The following GAPDHS variants were observed in gnomAD, a reference collection of about 807,000 sequenced individuals.
GAPDHS encodes the protein glyceraldehyde-3-phosphate dehydrogenase, spermatogenic, also known as glyceraldehyde-3-phosphate dehydrogenase, testis-specific.
GAPDHS carries 42 observed loss-of-function variants against 48.7 expected under a neutral mutation model. The ratio of observed to expected loss-of-function variants is 0.86; its 90% confidence interval spans 0.67 to 1.12. GAPDHS has a LOEUF of 1.12. GAPDHS is among the 50% of genes most tolerant of loss of function. The pLI, the probability that GAPDHS is intolerant of heterozygous loss-of-function variation, is 0.00. For missense variants in GAPDHS, 512 were observed against 557.7 expected (o/e 0.92, Z 0.82); for synonymous variants, 166 against 219.1 (o/e 0.76, Z 2.14).
intron 9 of GAPDHS, 71 bp from the exon 10 acceptor site, chr19:35,544,838 G>T: frequency 1.2e-6 from 1 of 854,064 alleles, no homozygotes; most frequent in South Asian, 1.3e-5. Context: ...ATAGAGTTAA[G>T]AGTCGGGGCC....
At chr19:35,542,876 AG>A in intron 6 of GAPDHS, 68 bp from the exon 7 acceptor site, 1 of 1,127,742 alleles carries the variant, frequency 8.9e-7, no homozygotes, top group Non-Finnish European at 1.4e-6. Context: ...ATACCCCAAG[AG>A]GGGTAAGGGT....
chr19:35,542,583 A>G lies in GAPDHS; in HGVS notation c.634A>G (p.Asn212Asp), dbSNP rs772093555. Residue 212 changes from asparagine (N) to aspartate (D), a missense_variant, in exon 6 of 11, where the codon AAC (asparagine) becomes GAC (aspartate). Asn to Asp is a conservative substitution (Grantham distance 23). Coordinates refer to ENST00000222286, the MANE Select transcript of GAPDHS (RefSeq NM_014364.5). ...FVMGVNENDYNPGSMNIVSNA... is the reference protein window; with the variant it reads ...FVMGVNENDYDPGSMNIVSNA... Reference sequence around the variant, plus strand: ...CATGGGTGTCAATGAAAATGACTATAACCCTGGCTCCATGAACATTGTGAG... The same window carrying G: ...CATGGGTGTCAATGAAAATGACTATGACCCTGGCTCCATGAACATTGTGAG... The G allele has an allele frequency of 2.5e-6, 4 of 1,612,236 alleles. No homozygotes were observed. In the South Asian group the frequency reaches 4.4e-5, roughly 18 times the overall value.
chr19:35,542,736 C>T (rs1005170939), intron 6 of GAPDHS, 128 bp downstream of exon 6: 12 of 772,222 alleles, frequency 1.6e-5, no homozygotes, highest in South Asian at 9.6e-5. Context: ...CTGCTAAAAA[C>T]GCATGACTTC....
At position 35,543,704 on chromosome 19, in the gene GAPDHS, T is replaced by G. The variant is rs149155139; in HGVS notation, c.933T>G (p.Asp311Glu). 1.2e-6 allele frequency: 2 copies of G among 1,614,070 alleles called. No individual in the cohort carries two copies. Among genetic ancestry groups the G allele is most frequent in the Non-Finnish European group, 1.7e-6 (2 of 1,179,958 alleles). ...TGMAFRVPTPDVSVVDLTCRL... is the reference protein window; with the variant it reads ...TGMAFRVPTPEVSVVDLTCRL... ...TGGCGTTCCGGGTACCAACCCCGGA[T>G]GTGTCTGTCGTGGACCTGACCTGCC... is the stretch of plus-strand genomic sequence containing the variant. The change falls in exon 9 of 11, where the codon GAT becomes GAG. Residue 311 changes from aspartate to glutamate, a missense_variant. Physicochemically the swap from Asp to Glu is conservative, Grantham distance 45. Transcript: ENST00000222286.
rs886510317 is a variant in GAPDHS, at chr19:35,535,690, A to G, written c.68-1123A>G. On this transcript the variant is annotated intron_variant, in intron 1 of 10. Transcript: ENST00000222286. ...GCGTGAGCCACCGCTCCCGGCCTGG[A>G]GTGCTGATTAAAAACAGGATTTCTG... Among the ~76,000 whole-genome samples, 77 of 150,920 alleles carry G rather than the reference A, an allele frequency of 5.1e-4. 2 individuals carry two copies. Among genetic ancestry groups the G allele is most frequent in the Admixed American group, 6.6e-5 (1 of 15,142 alleles).
intron 4 of GAPDHS, among the ~76,000 whole-genome samples, chr19:35,539,721 AG>A (rs1431222247): frequency 6.6e-6 from 1 of 152,234 alleles, no homozygotes; most frequent in Admixed American, 6.5e-5. Flanking sequence ...GGATGGGTGC[AG>A]GAAGTTTGTG....
At chr19:35,542,707 T>C in intron 6 of GAPDHS, 99 bp downstream of exon 6, 2 of 899,260 alleles carry the variant, frequency 2.2e-6, no homozygotes, top group Non-Finnish European at 3.6e-6. Flanking sequence ...TGGCTTCTGC[T>C]TCTCCTTCCC....
chr19:35,535,742 G>A (rs1016530339), intron 1 of GAPDHS, among the ~76,000 whole-genome samples: 2 of 149,250 alleles, frequency 1.3e-5, no homozygotes, highest in Non-Finnish European at 3.0e-5. Context: ...CACTGAGTCC[G>A]ATTTTTCTAG....
At chr19:35,535,772 ATT>A (rs35758620) in intron 1 of GAPDHS, among the ~76,000 whole-genome samples, 5 of 129,646 alleles carry the variant, frequency 3.9e-5, no homozygotes, top group Non-Finnish European at 5.0e-5. Context: ...TCCTCAGGTG[ATT>A]TTTTTTTTTT....
rs532339231 is a variant in GAPDHS, at chr19:35,542,098, G to A, written c.450-221G>A. The A allele has an allele frequency of 1.0e-5, 6 of 572,994 alleles. No homozygotes were observed. The African/African-American group carries it at 1.1e-4, about 11-fold the overall frequency. 35.5% of individuals were successfully genotyped at this position (572,994 alleles called of 1,614,324 possible). A position where few individuals can be genotyped will look rare whatever the true frequency, so the allele number is the denominator to read the frequency against. Reference sequence around the variant, plus strand: ...ACCTGTACCCAGGCATAACAGGGGTGGTGCAATCAGCAAAGGGAAAGTGGT... The same window carrying A: ...ACCTGTACCCAGGCATAACAGGGGTAGTGCAATCAGCAAAGGGAAAGTGGT... On this transcript the variant is annotated intron_variant, in intron 4 of 10. Transcript: ENST00000222286.
chr19:35,533,553 C>G lies in GAPDHS; in HGVS notation c.26C>G (p.Thr9Ser). ...ATGTCGAAGCGCGACATCGTCCTCACCAATGTCACCGTTGTCCAGTTGCTG... is the reference window on the plus strand; with the variant it reads ...ATGTCGAAGCGCGACATCGTCCTCAGCAATGTCACCGTTGTCCAGTTGCTG... MSKRDIVL[T>S]NVTVVQLLRQ... Residue 9 changes from threonine to serine, a missense_variant, in exon 1 of 11, where the codon ACC (threonine) becomes AGC (serine). Coordinates refer to ENST00000222286, the MANE Select transcript of GAPDHS (RefSeq NM_014364.5). 1 of 1,613,552 alleles carries G rather than the reference C, an allele frequency of 6.2e-7. No individual in the cohort carries two copies. The highest frequency in any genetic ancestry group is 8.5e-7 in the Non-Finnish European group (1 of 1,179,864).
Position 35,545,140 on chromosome 19 carries a change from C to T in GAPDHS, c.1197C>T (p.Leu399=). The T allele has an allele frequency of 6.2e-7, 1 of 1,614,076 alleles. No homozygotes were observed. The highest frequency in any genetic ancestry group is 8.5e-7 in the Non-Finnish European group (1 of 1,179,922). ...EYGYSHRVVD[L]LRYMFSRDK ...GCTACAGTCACCGGGTGGTCGACCTCCTCCGCTACATGTTCAGCCGAGACA... is the reference window on the plus strand; with the variant it reads ...GCTACAGTCACCGGGTGGTCGACCTTCTCCGCTACATGTTCAGCCGAGACA... Residue 399 remains leucine, a synonymous_variant, in exon 11 of 11, where the codon CTC becomes CTT. Transcript: ENST00000222286.
chr19:35,536,821 G>C lies in GAPDHS; in HGVS notation c.76G>C (p.Ala26Pro), dbSNP rs958659971. Residue 26 changes from alanine to proline, a missense_variant, in exon 2 of 11, where the codon GCA becomes CCA. Coordinates refer to ENST00000222286, the MANE Select transcript of GAPDHS (RefSeq NM_014364.5). ...LLRQPCPVTR[A>P]PPPPEPKAEV... ...TCCCTTCCCCCGCATAGTGACCAGA[G>C]CACCGCCCCCACCTGAGCCTAAGGC... 1.2e-6 allele frequency: 2 copies of C among 1,609,154 alleles called. No individual in the cohort carries two copies. The highest frequency in any genetic ancestry group is 1.7e-6 in the Non-Finnish European group (2 of 1,176,460).
chr19:35,534,189 G>C (rs1050257469), intron 1 of GAPDHS, among the ~76,000 whole-genome samples: 2 of 151,954 alleles, frequency 1.3e-5, no homozygotes, highest in African/African-American at 4.8e-5. Flanking sequence ...GCGCCCGCGC[G>C]CGCGCACACA....
rs770484982 is a variant in GAPDHS, at chr19:35,543,658, T to G, written c.894-7T>G. 6.2e-7 allele frequency: 1 copy of G among 1,612,784 alleles called. No homozygotes were observed. The highest frequency in any genetic ancestry group is 8.5e-7 in the Non-Finnish European group (1 of 1,179,326). On this transcript the variant is annotated splice_region_variant and splice_polypyrimidine_tract_variant and intron_variant, in intron 8 of 10. Transcript: ENST00000222286. Reference sequence around the variant, plus strand: ...CTGACTCCTGTTCCTCATGGGGGATTCTCCAGGAAGCTGACAGGGATGGCG... The same window carrying G: ...CTGACTCCTGTTCCTCATGGGGGATGCTCCAGGAAGCTGACAGGGATGGCG...
chr19:35,545,198 A>T lies in GAPDHS; in HGVS notation c.*28A>T. On this transcript the variant is annotated 3_prime_UTR_variant, in exon 11 of 11. Transcript: ENST00000222286. ...CGGGAAGGTCCTTTCTTTCCTTCCC[A>T]GGGGCCGGGGCCGGAACATGTGCCT... is the stretch of plus-strand genomic sequence containing the variant. 2.5e-6 allele frequency: 4 copies of T among 1,585,978 alleles called. No homozygotes were observed. Among genetic ancestry groups the T allele is most frequent in the Non-Finnish European group, 3.5e-6 (4 of 1,154,348 alleles).
chr19:35,545,162 G>C lies in GAPDHS; in HGVS notation c.1219G>C (p.Asp407His). 1 of 1,613,374 alleles carries C rather than the reference G, an allele frequency of 6.2e-7. No individual in the cohort carries two copies. Among genetic ancestry groups the C allele is most frequent in the South Asian group, 1.1e-5 (1 of 91,068 alleles). Residue 407 changes from aspartate (D) to histidine (H), a missense_variant, in exon 11 of 11, where the codon GAC becomes CAC. Asp to His is a moderately conservative substitution (Grantham distance 81). Transcript: ENST00000222286. ...VDLLRYMFSR[D>H]K is the part of the protein sequence containing the mutation. ...CCTCCTCCGCTACATGTTCAGCCGA[G>C]ACAAGTGAAACGGGAAGGTCCTTTC...
Position 35,538,288 on chromosome 19 carries a change from C to T in GAPDHS, c.246-19C>T, listed in dbSNP as rs775621290. 1 of 1,584,866 alleles carries T rather than the reference C, an allele frequency of 6.3e-7. No homozygotes were observed. Among genetic ancestry groups the T allele is most frequent in the South Asian group, 1.1e-5 (1 of 89,574 alleles). On this transcript the variant is annotated intron_variant, in intron 2 of 10. Transcript: ENST00000222286. ...ATTACCCCCTTCTCTCCCATCCCTT[C>T]CTGTCTGTCCCTGGCCAGATTTGGA...
chr19:35,543,246 C>A lies in GAPDHS; in HGVS notation c.742-94C>A, dbSNP rs1172389271. 5.5e-6 allele frequency: 8 copies of A among 1,446,376 alleles called. No individual in the cohort carries two copies. The East Asian group carries it at 1.1e-4, about 21-fold the overall frequency. The allele number at this position is 1,446,376 out of a possible 1,614,324, so 89.6% of individuals were successfully genotyped here. A position where few individuals can be genotyped will look rare whatever the true frequency, so the allele number is the denominator to read the frequency against. On this transcript the variant is annotated intron_variant, in intron 7 of 10. Transcript: ENST00000222286. ...TGGTCTGTGGTGGTGGCCCCACCAG[C>A]CTCCACACCTAGGCCACCAACTTAG...
Sources: allele counts gnomAD v4.1 joint callset (sites outside exome capture counted in the v4.1 genomes callset), GRCh38; gene constraint gnomAD v4.1.1; transcripts MANE v1.5; gene names NCBI Gene and HGNC (gene_info 2026-07-23, HGNC 2026-07-21).